Variants in MYOCD observed in about 807,000 individuals in gnomAD.
MYOCD encodes myocardin.
Under a neutral mutation model 96.1 loss-of-function variants are expected in MYOCD, and 32 were observed. That is an observed-to-expected ratio of 0.33 (90% CI 0.25 to 0.45). MYOCD has a LOEUF of 0.45. Ranked by LOEUF, MYOCD falls within the 20% of genes least tolerant of loss-of-function variation. MYOCD has a pLI of 1.00. For missense variants in MYOCD, 1,133 were observed against 1,200.6 expected, an observed-to-expected ratio of 0.94 and a Z score of 0.83; for synonymous variants, 469 against 469.0, an observed-to-expected ratio of 1.00 and a Z score of 0.00.
rs748136577 is a variant in MYOCD at position 12,763,145 on chromosome 17, G to C, written c.2462G>C (p.Ser821Thr). 3 of 1,614,040 alleles carry C rather than the reference G, an allele frequency of 1.9e-6. No homozygotes were observed. The highest frequency in any genetic ancestry group is 1.1e-5 in the South Asian group (1 of 91,086). ...KVPKIPRSSRSPTAVLTKPSA... is the reference protein window; with the variant it reads ...KVPKIPRSSRTPTAVLTKPSA... ...CCAAAGATACCCAGATCTTCCCGAA[G>C]TCCAACTGCTGTCCTCACCAAGCCC... is the stretch of plus-strand genomic sequence containing the variant. The change falls in exon 14 of 14, where the codon AGT becomes ACT. Residue 821 changes from serine (S) to threonine (T), a missense_variant. By Grantham distance (58) the Ser-to-Thr change is moderately conservative. Coordinates refer to ENST00000425538, the MANE Select transcript of MYOCD (RefSeq NM_001146312.3).
chr17:12,684,343 T>A (rs1378169162), intron 1 of MYOCD, among the ~76,000 whole-genome samples: 2 of 152,174 alleles, frequency 1.3e-5, no homozygotes, highest in Non-Finnish European at 1.5e-5. Flanking sequence ...AACATGCCGG[T>A]GTAGCCCTCT....
At chr17:12,740,692 G>T (rs2032480268) in intron 7 of MYOCD, among the ~76,000 whole-genome samples, 1 of 151,994 alleles carries the variant, frequency 6.6e-6, no homozygotes, top group Admixed American at 6.6e-5. Context: ...TGGTAATCAT[G>T]TGGCCTTCTT....
chr17:12,716,797 G>C (rs1160104399), intron 3 of MYOCD, among the ~76,000 whole-genome samples: 1 of 151,858 alleles, frequency 6.6e-6, no homozygotes, highest in Non-Finnish European at 1.5e-5. Flanking sequence ...AGGAAACATG[G>C]TGAAACCCTG....
chr17:12,765,934 A>G lies in MYOCD; in HGVS notation c.*2290A>G, dbSNP rs528437623. The stretch of plus-strand genomic sequence containing the variant: ...CTGTATTGTGCTTTAAAAGATCCAC[A>G]TGGTAAATTTTTTATTTTGCTTTTA... On this transcript the variant is annotated 3_prime_UTR_variant, in exon 14 of 14. Transcript: ENST00000425538. 2.0e-5 allele frequency: 3 copies of G among 152,328 alleles called. No homozygotes were observed. Among genetic ancestry groups the G allele is most frequent in the African/African-American group, 7.2e-5 (3 of 41,576 alleles). 9.4% of individuals were successfully genotyped at this position (152,328 alleles called of 1,614,324 possible).
At chr17:12,684,805 C>T (rs1277457097) in intron 1 of MYOCD, among the ~76,000 whole-genome samples, 2 of 146,390 alleles carry the variant, frequency 1.4e-5, no homozygotes, top group Non-Finnish European at 3.0e-5. Flanking sequence ...GAGATCACGC[C>T]ACTGCACTCC....
At chr17:12,727,473 C>T (rs1372983066) in intron 5 of MYOCD, among the ~76,000 whole-genome samples, 1 of 152,160 alleles carries the variant, frequency 6.6e-6, no homozygotes, top group South Asian at 2.1e-4. Context: ...CTGTATGTCA[C>T]TTCTTGTGAT....
intron 1 of MYOCD, chr17:12,672,272 G>C (rs1174470258): frequency 1.3e-5 from 2 of 152,200 alleles, no homozygotes; most frequent in Non-Finnish European, 2.9e-5. Flanking sequence ...AGTTGCATAA[G>C]AGTTCTTGCT....
chr17:12,713,795 C>T (rs1314960669), intron 2 of MYOCD, among the ~76,000 whole-genome samples: 1 of 152,124 alleles, frequency 6.6e-6, no homozygotes, highest in Admixed American at 6.5e-5. Context: ...AGGATGATGA[C>T]CAGACCCAAC....
At chr17:12,679,107 G>A (rs1046605915) in intron 1 of MYOCD, among the ~76,000 whole-genome samples, 3 of 152,090 alleles carry the variant, frequency 2.0e-5, no homozygotes, top group East Asian at 1.9e-4. Flanking sequence ...AGAGAAATGC[G>A]CAGCCCAAGG....
At chr17:12,750,557 T>G (rs1288896775) in intron 9 of MYOCD, among the ~76,000 whole-genome samples, 5 of 151,904 alleles carry the variant, frequency 3.3e-5, no homozygotes, top group African/African-American at 1.2e-4. Context: ...GGTGTGGTGG[T>G]GCGTGCCTGT....
intron 1 of MYOCD, among the ~76,000 whole-genome samples, chr17:12,666,633 A>T (rs968884108): frequency 1.2e-4 from 18 of 152,212 alleles, no homozygotes; most frequent in African/African-American, 3.9e-4. Flanking sequence ...GTTGTGTGTT[A>T]GGTACAGGGG....
intron 1 of MYOCD, among the ~76,000 whole-genome samples, chr17:12,701,169 T>C (rs1021029567): frequency 6.6e-6 from 1 of 152,194 alleles, no homozygotes; most frequent in Non-Finnish European, 1.5e-5. Flanking sequence ...TCAGTCACTT[T>C]GGGAGGCCAA....
At chr17:12,693,032 A>G (rs8074321) in intron 1 of MYOCD, among the ~76,000 whole-genome samples, 44,724 of 151,976 alleles carry the variant, frequency 0.29, 6,978 homozygotes, top group African/African-American at 0.37. Context: ...GCCCCGAGCT[A>G]CAAGCGTGGA....
intron 2 of MYOCD, among the ~76,000 whole-genome samples, chr17:12,708,906 A>G (rs1597766043): frequency 6.6e-6 from 1 of 152,180 alleles, no homozygotes; most frequent in African/African-American, 2.4e-5. Flanking sequence ...AACCACTTAT[A>G]TTGCTATCAT....
chr17:12,717,017 A>C (rs1178636051), intron 3 of MYOCD, among the ~76,000 whole-genome samples: 1 of 144,636 alleles, frequency 6.9e-6, no homozygotes, highest in Non-Finnish European at 1.5e-5. Context: ...AAAAAAAAAA[A>C]AAAGGCAATG....
intron 5 of MYOCD, among the ~76,000 whole-genome samples, chr17:12,726,215 C>T (rs1004151312): frequency 2.0e-5 from 3 of 152,084 alleles, no homozygotes; most frequent in Non-Finnish European, 4.4e-5. Context: ...TTCCCTACAG[C>T]GAGGGTGGCA....
intron 5 of MYOCD, among the ~76,000 whole-genome samples, chr17:12,726,557 GAA>G (rs2032005826): frequency 6.6e-6 from 1 of 152,190 alleles, no homozygotes; most frequent in African/African-American, 2.4e-5. Flanking sequence ...AAATGGCTGA[GAA>G]AGGTATTCTC....
chr17:12,744,983 A>G (rs1468727068), intron 8 of MYOCD, among the ~76,000 whole-genome samples: 1 of 152,190 alleles, frequency 6.6e-6, no homozygotes, highest in African/African-American at 2.4e-5. Flanking sequence ...AATGCCCTTG[A>G]TAAGAGGCCC....
Position 12,761,490 on chromosome 17 carries a change from C to T in MYOCD, c.2389+783C>T, listed in dbSNP as rs139428345. On this transcript the variant is annotated intron_variant, in intron 13 of 13. Coordinates refer to ENST00000425538, the MANE Select transcript of MYOCD (RefSeq NM_001146312.3). ...ACAAGCAAGTGAACAGACCTTTCCT[C>T]CATTGTAGCAAGAGGGAAGAAGGAA... The T allele has an allele frequency of 3.5e-3, 526 of 152,064 alleles. 2 individuals are homozygous for T. The highest frequency in any genetic ancestry group is 0.01 in the Middle Eastern group (3 of 294). 9.4% of individuals were successfully genotyped at this position (152,064 alleles called of 1,614,324 possible).
Sources: gnomAD v4.1 joint callset for allele counts (sites outside exome capture counted in the v4.1 genomes callset) on GRCh38, gnomAD v4.1.1 for gene constraint, MANE v1.5 for transcripts, NCBI Gene and HGNC (gene_info 2026-07-23, HGNC 2026-07-21) for gene names.